NTRK3: variants seen among roughly 807,000 people sequenced by gnomAD.
NTRK3 encodes neurotrophic receptor tyrosine kinase 3, also known as NT-3 growth factor receptor.
NTRK3 carries 24 observed loss-of-function variants against 91.7 expected under a neutral mutation model. The ratio of observed to expected loss-of-function variants is 0.26; its 90% confidence interval spans 0.19 to 0.37. NTRK3 has a LOEUF of 0.37. Among genes scored for constraint, NTRK3 ranks in the 10% least tolerant of loss-of-function variants. The pLI, the probability that NTRK3 is intolerant of heterozygous loss-of-function variation, is 1.00. For synonymous variants in NTRK3, 483 were observed against 404.0 expected (o/e 1.20, Z -2.34); for missense variants, 880 against 1,068.9 (o/e 0.82, Z 2.46).
chr15:87,868,358 C>A (rs920855250), exon 19 of NTRK3: 1 of 226,210 alleles, frequency 4.4e-6, no homozygotes, highest in Non-Finnish European at 8.8e-6. Context: ...CTTTCCAATT[C>A]ATAAACACAG....
chr15:88,233,495 C>T lies in NTRK3; in HGVS notation c.248+22411G>A, dbSNP rs959526618. On this transcript the variant is annotated intron_variant, in intron 3 of 18. Transcript: ENST00000394480. The surrounding 1 kb of genome is among the most constrained non-coding windows in gnomAD (Gnocchi z 4.2). Reference sequence around the variant, plus strand: ...ACACTGAAACCACAGTTAGCATCCTCGAAAGAGCAAATCCCAAGACCCTCT... The same window carrying T: ...ACACTGAAACCACAGTTAGCATCCTTGAAAGAGCAAATCCCAAGACCCTCT... 2.0e-5 allele frequency among the ~76,000 whole-genome samples: 3 copies of T among 152,120 alleles called. No individual in the cohort carries two copies. Among genetic ancestry groups the T allele is most frequent in the Admixed American group, 1.3e-4 (2 of 15,276 alleles).
intron 3 of NTRK3, among the ~76,000 whole-genome samples, chr15:88,200,751 G>C (rs1327632990): frequency 1.3e-5 from 2 of 152,214 alleles, no homozygotes; most frequent in Non-Finnish European, 2.9e-5. Flanking sequence ...GTCTCAGGCA[G>C]TTCTTTATAG....
At chr15:87,877,015 G>A (rs746738110) in exon 19 of NTRK3, 2 of 1,613,084 alleles carry the variant, frequency 1.2e-6, no homozygotes, top group South Asian at 1.1e-5. Context: ...ATGTTCAACC[G>A]CTGCTGTGGT....
Position 88,235,315 on chromosome 15 carries a change from G to A in NTRK3, c.248+20591C>T, listed in dbSNP as rs948376764. Among the ~76,000 whole-genome samples, 3 of 152,166 alleles carry A rather than the reference G, an allele frequency of 2.0e-5. No individual in the cohort carries two copies. The highest frequency in any genetic ancestry group is 2.4e-5 in the African/African-American group (1 of 41,450). ...CTACCCTACCCACAATAGCCTCCAG[G>A]CTCTGAGCTGGCAGGCTGGGCTGGT... On this transcript the variant is annotated intron_variant, in intron 3 of 18. Coordinates refer to ENST00000394480, the Ensembl canonical transcript of NTRK3. The surrounding 1 kb of genome is among the most constrained non-coding windows in gnomAD (Gnocchi z 5.2).
chr15:87,988,863 T>C (rs1248553063), intron 14 of NTRK3, among the ~76,000 whole-genome samples: 1 of 152,208 alleles, frequency 6.6e-6, no homozygotes, highest in African/African-American at 2.4e-5. Flanking sequence ...ATAAAAGTCA[T>C]ACATAATAAC....
intron 13 of NTRK3, among the ~76,000 whole-genome samples, chr15:88,124,964 C>T (rs967154974): frequency 6.6e-6 from 1 of 152,166 alleles, no homozygotes; most frequent in Non-Finnish European, 1.5e-5. Context: ...AAACAGGGCA[C>T]CCTGTACCCA....
chr15:87,961,031 CAACACAGGTGAAGTTTA>C (rs148894330), intron 14 of NTRK3, among the ~76,000 whole-genome samples: 29,898 of 152,110 alleles, frequency 0.2, 3,516 homozygotes, highest in South Asian at 0.31. Context: ...AGTCCTCATT[CAACACAGGTGAAGTTTA>C]AATCCTTCAC....
intron 13 of NTRK3, among the ~76,000 whole-genome samples, chr15:88,083,048 C>A (rs2048197341): frequency 6.6e-6 from 1 of 152,186 alleles, no homozygotes; most frequent in African/African-American, 2.4e-5. Flanking sequence ...GTGGGAAAAA[C>A]CAATCATCCC....
chr15:88,083,480 C>T (rs552241365), intron 13 of NTRK3, among the ~76,000 whole-genome samples: 31 of 152,154 alleles, frequency 2.0e-4, no homozygotes, highest in Non-Finnish European at 3.8e-4. Context: ...CCTCAGTCTC[C>T]CAAAGTGCTG....
exon 3 of NTRK3, chr15:88,256,003 C>T (rs755466103): frequency 3.7e-6 from 6 of 1,613,558 alleles, no homozygotes; most frequent in Non-Finnish European, 5.1e-6. Context: ...AAGAGGTTCC[C>T]ATCGTCCGGC....
At chr15:88,147,518 C>CTTT in intron 5 of NTRK3, 115 bp from the exon 6 acceptor site, 1 of 344,154 alleles carries the variant, frequency 2.9e-6, no homozygotes, top group Non-Finnish European at 4.7e-6. Context: ...TCTTCTTCTT[C>CTTT]TTCTTCTTCT....
intron 13 of NTRK3, among the ~76,000 whole-genome samples, chr15:88,039,004 G>T (rs900101962): frequency 6.6e-6 from 1 of 152,142 alleles, no homozygotes; most frequent in African/African-American, 2.4e-5. Flanking sequence ...GGAGGGAAAA[G>T]TAATAGGGGG....
chr15:88,186,385 A>T (rs1287226860), intron 3 of NTRK3, among the ~76,000 whole-genome samples: 4 of 152,146 alleles, frequency 2.6e-5, no homozygotes, highest in Non-Finnish European at 5.9e-5. Context: ...CCCTTCCCTG[A>T]CTTAGGCAAG....
At chr15:88,066,341 T>A (rs2046648318) in intron 13 of NTRK3, among the ~76,000 whole-genome samples, 1 of 152,196 alleles carries the variant, frequency 6.6e-6, no homozygotes, top group South Asian at 2.1e-4. Context: ...GATACTGAGA[T>A]GGGATCACCA....
At chr15:88,013,811 G>A (rs1029331639) in intron 14 of NTRK3, among the ~76,000 whole-genome samples, 2 of 152,126 alleles carry the variant, frequency 1.3e-5, no homozygotes, top group African/African-American at 4.8e-5. Context: ...GCGTGGTGGT[G>A]CGCCTGTAGT....
At chr15:87,927,830 T>C (rs530203756) in intron 17 of NTRK3, 2 of 152,232 alleles carry the variant, frequency 1.3e-5, no homozygotes, top group South Asian at 2.1e-4. Flanking sequence ...TTCAGTTTTT[T>C]GTAACCTATC....
intron 13 of NTRK3, among the ~76,000 whole-genome samples, chr15:88,104,283 C>T (rs181419842): frequency 6.7e-4 from 102 of 152,292 alleles, no homozygotes; most frequent in African/African-American, 8.9e-4. Context: ...AGTTTGGACA[C>T]GGGTAGATTA....
intron 13 of NTRK3, among the ~76,000 whole-genome samples, chr15:88,074,188 G>C (rs765001268): frequency 2.0e-5 from 3 of 152,210 alleles, no homozygotes; most frequent in Non-Finnish European, 2.9e-5. Flanking sequence ...CAGAGACTCA[G>C]AGGACTAAGT....
intron 14 of NTRK3, among the ~76,000 whole-genome samples, chr15:87,958,608 C>T (rs2071918024): frequency 2.0e-5 from 3 of 152,038 alleles, no homozygotes; most frequent in South Asian, 4.2e-4. Flanking sequence ...TGACTCTTTC[C>T]TGCAGTGCTC....
Sources: allele counts gnomAD v4.1 joint callset (sites outside exome capture counted in the v4.1 genomes callset), GRCh38; gene constraint gnomAD v4.1.1; non-coding constraint Gnocchi (gnomAD v3.1); transcripts MANE v1.5; gene names NCBI Gene and HGNC (gene_info 2026-07-23, HGNC 2026-07-21).